AGBL2: variants seen among roughly 807,000 people sequenced by gnomAD.
The protein encoded by AGBL2 is AGBL carboxypeptidase 2.
In AGBL2, 87 loss-of-function variants were observed where a neutral mutation model predicts 103.0. The ratio of observed to expected loss-of-function variants is 0.84; its 90% confidence interval spans 0.71 to 1.01. AGBL2 has a LOEUF of 1.01. Ranked by LOEUF, AGBL2 falls within the 50% of genes least tolerant of loss-of-function variation. AGBL2 has a pLI of 0.00. For missense variants in AGBL2, 904 were observed against 1,023.5 expected (o/e 0.88, Z 1.59); for synonymous variants, 335 against 356.7 (o/e 0.94, Z 0.69).
chr11:47,705,940 C>A, intron 4 of AGBL2, 23 bp from the exon 5 acceptor site: 1 of 1,609,848 alleles, frequency 6.2e-7, no homozygotes, highest in South Asian at 1.1e-5. Context: ...AGAGGAGGCA[C>A]CCTTGGTGTC....
At chr11:47,707,492 T>C (rs1346955926) in intron 4 of AGBL2, among the ~76,000 whole-genome samples, 1 of 152,138 alleles carries the variant, frequency 6.6e-6, no homozygotes, top group Non-Finnish European at 1.5e-5. Context: ...AACTCCCCCT[T>C]ATAGAACTAT....
intron 9 of AGBL2, among the ~76,000 whole-genome samples, chr11:47,691,795 A>G (rs1410914603): frequency 2.2e-5 from 3 of 135,492 alleles, no homozygotes; most frequent in Admixed American, 1.6e-4. Flanking sequence ...GAAAAATATT[A>G]AGGCATATAC....
Position 47,679,974 on chromosome 11 carries a change from T to C in AGBL2, c.2015A>G (p.Lys672Arg). Reference sequence around the variant, plus strand: ...CATTTCTTGAAACCCCATTTTTACCTTCATTTGGTCAGGATCACAAAAGTC... The same window carrying C: ...CATTTCTTGAAACCCCATTTTTACCCTCATTTGGTCAGGATCACAAAAGTC... Reference protein sequence around the residue: ...LLDFCDPDQMKFTQCLAELKE... With the variant: ...LLDFCDPDQMRFTQCLAELKE... Residue 672 changes from lysine (K) to arginine (R), a missense_variant and splice_region_variant, in exon 13 of 19, where the codon AAG becomes AGG. Lys to Arg is a conservative substitution (Grantham distance 26). Transcript: ENST00000525123. The C allele has an allele frequency of 6.3e-7, 1 of 1,596,248 alleles. No individual in the cohort carries two copies. The highest frequency in any genetic ancestry group is 8.6e-7 in the Non-Finnish European group (1 of 1,165,034).
At chr11:47,709,774 A>C (rs564161967) in intron 4 of AGBL2, among the ~76,000 whole-genome samples, 65 of 152,184 alleles carry the variant, frequency 4.3e-4, no homozygotes, top group African/African-American at 1.5e-3. Context: ...GTTTCTGTAG[A>C]GACAGAGTTT....
intron 7 of AGBL2, 69 bp from the exon 8 acceptor site, chr11:47,699,622 AAATAAT>A (rs1168348289): frequency 2.5e-6 from 2 of 790,436 alleles, no homozygotes; most frequent in Non-Finnish European, 3.8e-6. Flanking sequence ...AACTAATATA[AAATAAT>A]AATAATAATT....
Position 47,703,941 on chromosome 11 carries a change from C to CCA in AGBL2, c.586+601_586+602insTG, listed in dbSNP as rs1554966604. On this transcript the variant is annotated intron_variant, in intron 7 of 18. Coordinates refer to ENST00000525123, the MANE Select transcript of AGBL2 (RefSeq NM_024783.4). ...AGTCAGTCTCAAAAAAAAAAAAAAA[C>CCA]AAAAAAAAAACTAGCCAGGCGTGGT... Among the ~76,000 whole-genome samples the CCA allele has an allele frequency of 3.7e-3, 424 of 115,548 alleles. 8 individuals are homozygous for CCA. The highest frequency in any genetic ancestry group is 0.024 in the Admixed American group (260 of 11,028). The allele number at this position is 115,548 out of a possible 152,430, so 75.8% of individuals were successfully genotyped here.
intron 10 of AGBL2, among the ~76,000 whole-genome samples, chr11:47,687,005 C>A: frequency 7.5e-6 from 1 of 133,434 alleles, no homozygotes; most frequent in African/African-American, 2.8e-5. Context: ...GGAGGGATAG[C>A]ATTAGGAGAT....
At chr11:47,714,431 T>C (rs2097544346) in intron 2 of AGBL2, 84 bp from the exon 3 acceptor site, 7 of 1,414,302 alleles carry the variant, frequency 4.9e-6, no homozygotes, top group South Asian at 1.2e-5. Flanking sequence ...CGTTGTTGCA[T>C]AGGACTAGAC....
At chr11:47,681,181 A>C (rs1041305722) in intron 12 of AGBL2, among the ~76,000 whole-genome samples, 7 of 151,616 alleles carry the variant, frequency 4.6e-5, no homozygotes, top group African/African-American at 1.7e-4. Context: ...AAAATAAAAA[A>C]ATTAGCCAGG....
At chr11:47,697,334 G>A (rs1017012305) in intron 8 of AGBL2, among the ~76,000 whole-genome samples, 7 of 151,030 alleles carry the variant, frequency 4.6e-5, no homozygotes, top group African/African-American at 1.7e-4. Context: ...ACCTCCCAAG[G>A]TTCAAGGGAT....
intron 3 of AGBL2, among the ~76,000 whole-genome samples, chr11:47,712,906 C>T (rs939337445): frequency 2.6e-5 from 4 of 151,840 alleles, no homozygotes; most frequent in Non-Finnish European, 5.9e-5. Context: ...TGGTGGTACA[C>T]GCCTGTAATC....
intron 7 of AGBL2, among the ~76,000 whole-genome samples, 164 bp downstream of exon 7, chr11:47,704,379 A>T (rs2097509697): frequency 6.8e-6 from 1 of 147,128 alleles, no homozygotes; most frequent in Non-Finnish European, 1.5e-5. Context: ...ACTCAGTAGG[A>T]GGCTGAGGGA....
At chr11:47,684,037 G>A (rs1300558391) in intron 11 of AGBL2, among the ~76,000 whole-genome samples, 1 of 152,004 alleles carries the variant, frequency 6.6e-6, no homozygotes, top group Non-Finnish European at 1.5e-5. Context: ...CAGATCACAA[G>A]GTAAGGAGTT....
intron 9 of AGBL2, 55 bp downstream of exon 9, chr11:47,692,037 AATATCATTACT>A: frequency 1.4e-6 from 2 of 1,404,110 alleles, no homozygotes; most frequent in Non-Finnish European, 1.9e-6. Context: ...TCTGATTCCT[AATATCATTACT>A]GAAGACACCT....
intron 10 of AGBL2, among the ~76,000 whole-genome samples, chr11:47,689,866 T>C (rs1419807799): frequency 6.6e-6 from 1 of 152,136 alleles, no homozygotes; most frequent in Admixed American, 6.6e-5. Context: ...AAATGTTGCA[T>C]GTCCAGTTTC....
intron 8 of AGBL2, among the ~76,000 whole-genome samples, chr11:47,692,591 T>C (rs1045917161): frequency 5.9e-5 from 9 of 151,640 alleles, no homozygotes; most frequent in African/African-American, 2.2e-4. Context: ...TTTTTGTATA[T>C]TTAGTAGAGA....
intron 4 of AGBL2, among the ~76,000 whole-genome samples, chr11:47,707,024 T>TA (rs61459888): frequency 0.19 from 21,044 of 111,466 alleles, 2,135 homozygotes; most frequent in East Asian, 0.29. Flanking sequence ...CTGTCTCTAC[T>TA]AAAAAAAAAA....
intron 7 of AGBL2, 106 bp from the exon 8 acceptor site, chr11:47,699,659 T>C (rs2097490370): frequency 1.7e-6 from 1 of 596,722 alleles, no homozygotes; most frequent in African/African-American, 2.0e-5. Context: ...CTAGTTTGGT[T>C]GAATCAAACC....
intron 3 of AGBL2, among the ~76,000 whole-genome samples, chr11:47,712,051 C>G (rs1031225923): frequency 5.9e-5 from 9 of 151,694 alleles, no homozygotes; most frequent in Admixed American, 2.6e-4. Flanking sequence ...CCGGCCAAGG[C>G]AAAAAACAGA....
Sources: allele counts gnomAD v4.1 joint callset (sites outside exome capture counted in the v4.1 genomes callset), GRCh38; gene constraint gnomAD v4.1.1; transcripts MANE v1.5; gene names NCBI Gene and HGNC (gene_info 2026-07-23, HGNC 2026-07-21).